Variants in CKAP5 observed in about 807,000 individuals in gnomAD.
CKAP5 encodes cytoskeleton associated protein 5, also known as cytoskeleton-associated protein 5.
In CKAP5, 27 loss-of-function variants were observed where a neutral mutation model predicts 232.8. The ratio of observed to expected loss-of-function variants is 0.12; its 90% CI spans 0.09 to 0.16. The LOEUF (loss-of-function observed/expected upper bound fraction) is 0.16. CKAP5 is among the 10% of genes least tolerant of loss of function. CKAP5 has a pLI of 1.00. For synonymous variants in CKAP5, 785 were observed against 841.1 expected, an observed-to-expected ratio of 0.93 and a Z score of 1.16; for missense variants, 1,838 against 2,424.7, an observed-to-expected ratio of 0.76 and a Z score of 5.08.
At chr11:46,827,566 G>A (rs1472776833) in intron 1 of CKAP5, among the ~76,000 whole-genome samples, 1 of 152,094 alleles carries the variant, frequency 6.6e-6, no homozygotes, top group Non-Finnish European at 1.5e-5. Flanking sequence ...AGGCTGCAGT[G>A]AGCCAGACTG....
rs1355060923 is a variant in CKAP5, at chr11:46,751,126, A to T, written c.5452T>A (p.Ser1818Thr). ...CAAGTCAGGCCACTCACTATTCGAG[A>T]TGCTCCCTTTTCTGTTTCCTTATCA... ...KSDKETEKGA[S>T]RIDEKSSKAK... Residue 1818 changes from serine (S) to threonine (T), a missense_variant, in exon 40 of 44, where the codon TCT becomes ACT. Coordinates refer to ENST00000529230, the MANE Select transcript of CKAP5 (RefSeq NM_001008938.4). 6.2e-7 allele frequency: 1 copy of T among 1,613,934 alleles called. No homozygotes were observed. The highest frequency in any genetic ancestry group is 8.5e-7 in the Non-Finnish European group (1 of 1,180,018).
Position 46,809,973 on chromosome 11 carries a change from T to C in CKAP5, c.631-99A>G. The C allele has an allele frequency of 2.4e-6, 3 of 1,226,842 alleles. No individual in the cohort carries two copies. In the South Asian group the frequency reaches 4.5e-5, roughly 18 times the overall value. 76.0% of individuals were successfully genotyped at this position (1,226,842 alleles called of 1,614,324 possible). ...ATTGACATATCAGGACCCAATTTCT[T>C]TCTTTTTTTTTTATTGGAGACAGAG... On this transcript the variant is annotated intron_variant, in intron 5 of 43. Transcript: ENST00000529230.
chr11:46,767,926 G>C (rs1176529943), intron 26 of CKAP5, among the ~76,000 whole-genome samples: 1 of 151,936 alleles, frequency 6.6e-6, no homozygotes, highest in African/African-American at 2.4e-5. Flanking sequence ...CCTAGTAGCT[G>C]GGACTACAGG....
chr11:46,834,048 T>A (rs942190331), intron 1 of CKAP5, among the ~76,000 whole-genome samples: 1 of 152,158 alleles, frequency 6.6e-6, no homozygotes, highest in Non-Finnish European at 1.5e-5. Flanking sequence ...TTTGATATTA[T>A]TAGTAGAGAT....
intron 1 of CKAP5, among the ~76,000 whole-genome samples, chr11:46,844,824 T>TAGAG (rs111234679): frequency 3.4e-5 from 5 of 148,416 alleles, no homozygotes; most frequent in South Asian, 2.1e-4. Context: ...GTATTTTTAG[T>TAGAG]AGAGAGAGAG....
chr11:46,814,821 G>C (rs1469030916), intron 4 of CKAP5, among the ~76,000 whole-genome samples: 1 of 152,166 alleles, frequency 6.6e-6, no homozygotes, highest in African/African-American at 2.4e-5. Context: ...TCTCTTTAAA[G>C]GCATATAGCA....
chr11:46,752,861 T>C, intron 37 of CKAP5, 151 bp from the exon 38 acceptor site: 2 of 582,782 alleles, frequency 3.4e-6, no homozygotes, highest in Non-Finnish European at 6.0e-6. Context: ...TGACATTCAG[T>C]TAAGAAAATA....
rs73456128 is a variant in CKAP5 at position 46,794,471 on chromosome 11, A to G, written c.1650+1123T>C. On this transcript the variant is annotated intron_variant, in intron 13 of 43. Transcript: ENST00000529230. The stretch of plus-strand genomic sequence containing the variant: ...TGCCTCAAAACAACCCAATTCAAAA[A>G]TGGGCAAAGAACTTGAGTAGATATT... Among the ~76,000 whole-genome samples, 295 of 150,666 alleles carry G rather than the reference A, an allele frequency of 2.0e-3. 1 individual carries two copies. The highest frequency in any genetic ancestry group is 6.9e-3 in the African/African-American group (284 of 41,354).
intron 41 of CKAP5, 40 bp downstream of exon 41, chr11:46,750,488 T>C (rs376630513): frequency 8.9e-5 from 144 of 1,612,228 alleles, no homozygotes; most frequent in Middle Eastern, 1.6e-4. Flanking sequence ...CCCTTTACCA[T>C]AAAGCAGACC....
chr11:46,810,428 G>T (rs1031339070), intron 5 of CKAP5, among the ~76,000 whole-genome samples: 27 of 152,072 alleles, frequency 1.8e-4, no homozygotes, highest in African/African-American at 6.5e-4. Flanking sequence ...TCCCACCTAA[G>T]CTTCACGAGT....
At chr11:46,749,524 T>C (rs987378217) in intron 42 of CKAP5, among the ~76,000 whole-genome samples, 1 of 151,644 alleles carries the variant, frequency 6.6e-6, no homozygotes, top group African/African-American at 2.4e-5. Context: ...ATATAGCAGT[T>C]TGGAAATCAG....
intron 1 of CKAP5, among the ~76,000 whole-genome samples, chr11:46,821,919 GT>G (rs1565753198): frequency 6.6e-6 from 1 of 151,984 alleles, no homozygotes; most frequent in Non-Finnish European, 1.5e-5. Context: ...CAGGCCTGTA[GT>G]CCCATCTACT....
At chr11:46,745,523 G>A (rs752447265) in intron 42 of CKAP5, among the ~76,000 whole-genome samples, 12 of 152,168 alleles carry the variant, frequency 7.9e-5, no homozygotes, top group Non-Finnish European at 1.6e-4. Context: ...TCCCCAAAAA[G>A]GGCTTTGGAA....
Position 46,753,420 on chromosome 11 carries a change from T to C in CKAP5, c.4947A>G (p.Leu1649=), listed in dbSNP as rs2065085129. ...GATCTTCAATCCGAGAATCCAGCAT[T>C]AAGGTGATGAGGCCATGCATTAGGT... ...LKDLMHGLIT[L]MLDSRIEDLE... The change falls in exon 37 of 44, where the codon TTA becomes TTG. Residue 1649 remains leucine, a synonymous_variant. Coordinates refer to ENST00000529230, the MANE Select transcript of CKAP5 (RefSeq NM_001008938.4). The C allele has an allele frequency of 1.2e-6, 2 of 1,613,738 alleles. No homozygotes were observed. Among genetic ancestry groups the C allele is most frequent in the Admixed American group, 1.7e-5 (1 of 59,958 alleles).
intron 29 of CKAP5, 59 bp from the exon 30 acceptor site, chr11:46,763,238 C>T: frequency 7.4e-7 from 1 of 1,348,486 alleles, no homozygotes; most frequent in Non-Finnish European, 1.0e-6. Context: ...CTTAATTCTA[C>T]TAGGCAAGTG....
chr11:46,779,108 A>C (rs1412197078), intron 20 of CKAP5, among the ~76,000 whole-genome samples: 2 of 152,090 alleles, frequency 1.3e-5, no homozygotes, highest in East Asian at 3.8e-4. Flanking sequence ...AAAACAACCC[A>C]AAAACAAAAC....
At chr11:46,827,552 G>A (rs945890945) in intron 1 of CKAP5, among the ~76,000 whole-genome samples, 1 of 152,108 alleles carries the variant, frequency 6.6e-6, no homozygotes. Flanking sequence ...CTGAGCCCAG[G>A]ACTAGGCTGC....
intron 1 of CKAP5, among the ~76,000 whole-genome samples, chr11:46,827,922 T>C (rs1939692958): frequency 6.6e-6 from 1 of 152,220 alleles, no homozygotes; most frequent in Non-Finnish European, 1.5e-5. Flanking sequence ...GTTTACAAGG[T>C]TTGACTGCAT....
chr11:46,809,912 C>G (rs748458572), intron 5 of CKAP5, 38 bp from the exon 6 acceptor site: 1 of 1,565,156 alleles, frequency 6.4e-7, no homozygotes, highest in Admixed American at 1.9e-5. Context: ...ATATCTGCAT[C>G]TCCACCATTA....
Sources: allele counts gnomAD v4.1 joint callset (sites outside exome capture counted in the v4.1 genomes callset), GRCh38; gene constraint gnomAD v4.1.1; transcripts MANE v1.5; gene names NCBI Gene and HGNC (gene_info 2026-07-23, HGNC 2026-07-21).